Variants in KCTD8 observed in about 807,000 individuals in gnomAD.
The protein encoded by KCTD8 is BTB/POZ domain-containing protein KCTD8.
Under a neutral mutation model 31.5 loss-of-function variants are expected in KCTD8, and 27 were observed. The observed-to-expected ratio is 0.86, with a 90% confidence interval of 0.63 to 1.18. The LOEUF is 1.18. Among genes scored for constraint, KCTD8 ranks in the 50% most tolerant of loss-of-function variants. The probability of loss-of-function intolerance (pLI) is 0.00; values close to 1 mark genes in which losing one functional copy is unlikely to be tolerated. For missense variants in KCTD8, 658 were observed against 647.7 expected, an observed-to-expected ratio of 1.02 and a Z score of -0.17; for synonymous variants, 290 against 280.0, an observed-to-expected ratio of 1.04 and a Z score of -0.36.
chr4:44,384,101 TA>T (rs1382421137), intron 1 of KCTD8, among the ~76,000 whole-genome samples: 1 of 150,568 alleles, frequency 6.6e-6, no homozygotes, highest in African/African-American at 2.4e-5. Flanking sequence ...AAATCAAAAC[TA>T]CAATGAGATA....
chr4:44,334,741 C>T (rs546179085), intron 1 of KCTD8, among the ~76,000 whole-genome samples: 1 of 152,010 alleles, frequency 6.6e-6, no homozygotes, highest in African/African-American at 2.4e-5. Flanking sequence ...AGGAATAAAA[C>T]ACCAATATTA....
In KCTD8 at chr4:44,447,755, C is replaced by A. The variant is rs142886340; in HGVS notation, c.769G>T (p.Asp257Tyr). The A allele has an allele frequency of 6.2e-7, 1 of 1,611,778 alleles. No individual in the cohort carries two copies. Among genetic ancestry groups the A allele is most frequent in the South Asian group, 1.1e-5 (1 of 90,546 alleles). The change falls in exon 1 of 2, where the codon GAC (aspartate) becomes TAC (tyrosine). Residue 257 changes from aspartate to tyrosine, a missense_variant. Asp to Tyr is a radical substitution (Grantham distance 160). Coordinates refer to ENST00000360029, the MANE Select transcript of KCTD8 (RefSeq NM_198353.3). ...VFGDTLNESR[D>Y]PDRQPEKYTS... ...TACTTCTCCGGCTGCCGGTCGGGGT[C>A]GCGGCTCTCGTTGAGCGTGTCCCCG...
At chr4:44,206,413 C>G (rs975087118) in intron 1 of KCTD8, among the ~76,000 whole-genome samples, 10 of 152,192 alleles carry the variant, frequency 6.6e-5, no homozygotes, top group Non-Finnish European at 1.0e-4. Context: ...CACATGCCCA[C>G]AGCATGTGTA....
In KCTD8 at chr4:44,395,713, T is replaced by G. The variant is rs150378036; in HGVS notation, c.961+51850A>C. 3.9e-3 allele frequency among the ~76,000 whole-genome samples: 595 copies of G among 152,160 alleles called. 2 individuals carry two copies. The highest frequency in any genetic ancestry group is 6.1e-3 in the Non-Finnish European group (413 of 67,986). On this transcript the variant is annotated intron_variant, in intron 1 of 1. Coordinates refer to ENST00000360029, the MANE Select transcript of KCTD8 (RefSeq NM_198353.3). Reference sequence around the variant, plus strand: ...TACCTTTGCAAAAAATGTTCGTACTTTTACTATTTTCTGACTGGTCCTTGA... The same window carrying G: ...TACCTTTGCAAAAAATGTTCGTACTGTTACTATTTTCTGACTGGTCCTTGA...
At chr4:44,413,051 A>G (rs1720997568) in intron 1 of KCTD8, among the ~76,000 whole-genome samples, 2 of 152,122 alleles carry the variant, frequency 1.3e-5, no homozygotes, top group African/African-American at 4.8e-5. Flanking sequence ...CTGGAAATCA[A>G]CTCCAGGTAA....
At chr4:44,241,889 C>T (rs1406170371) in intron 1 of KCTD8, among the ~76,000 whole-genome samples, 1 of 152,210 alleles carries the variant, frequency 6.6e-6, no homozygotes, top group African/African-American at 2.4e-5. Context: ...CCTGCCTGCT[C>T]TTTATTGCTA....
At chr4:44,303,197 C>G (rs1006015112) in intron 1 of KCTD8, among the ~76,000 whole-genome samples, 1 of 152,138 alleles carries the variant, frequency 6.6e-6, no homozygotes, top group Non-Finnish European at 1.5e-5. Flanking sequence ...GATTGTGTCT[C>G]TGCCCAGCTT....
Position 44,174,765 on chromosome 4 carries a change from A to T in KCTD8, c.*25T>A. 1 of 1,540,126 alleles carries T rather than the reference A, an allele frequency of 6.5e-7. No homozygotes were observed. ...CTGTAGTAAACATTGAATGTCATCA[A>T]AATACTGCAGGAATGTGACAATTAC... is the stretch of plus-strand genomic sequence containing the variant. On this transcript the variant is annotated 3_prime_UTR_variant, in exon 2 of 2. Coordinates refer to ENST00000360029, the MANE Select transcript of KCTD8 (RefSeq NM_198353.3).
At chr4:44,175,419 G>A (rs1221148181) in intron 1 of KCTD8, among the ~76,000 whole-genome samples, 169 bp from the exon 2 acceptor site, 1 of 151,968 alleles carries the variant, frequency 6.6e-6, no homozygotes, top group East Asian at 1.9e-4. Flanking sequence ...CAAGACCTAG[G>A]GTCTTTAGTG....
At chr4:44,180,586 T>TGC (rs1713350661) in intron 1 of KCTD8, among the ~76,000 whole-genome samples, 1 of 125,782 alleles carries the variant, frequency 8.0e-6, no homozygotes, top group Non-Finnish European at 1.6e-5. Context: ...TATACATACA[T>TGC]GCACACACAC....
At chr4:44,195,710 G>T (rs953497543) in intron 1 of KCTD8, among the ~76,000 whole-genome samples, 1 of 152,084 alleles carries the variant, frequency 6.6e-6, no homozygotes, top group Non-Finnish European at 1.5e-5. Context: ...TATTTTATAT[G>T]CAATTTTTGG....
At chr4:44,342,100 G>A (rs566075930) in intron 1 of KCTD8, among the ~76,000 whole-genome samples, 1 of 152,142 alleles carries the variant, frequency 6.6e-6, no homozygotes, top group South Asian at 2.1e-4. Flanking sequence ...GGCTGGGCGT[G>A]TTGGCTCATG....
intron 1 of KCTD8, among the ~76,000 whole-genome samples, chr4:44,232,032 G>A (rs1715132544): frequency 6.6e-6 from 1 of 152,016 alleles, no homozygotes; most frequent in Non-Finnish European, 1.5e-5. Context: ...CATATATATG[G>A]CAGAAAGATT....
At chr4:44,188,223 C>T (rs897018447) in intron 1 of KCTD8, among the ~76,000 whole-genome samples, 3 of 152,132 alleles carry the variant, frequency 2.0e-5, no homozygotes, top group Non-Finnish European at 4.4e-5. Context: ...CTTCTTTTCA[C>T]TTTGAAATTT....
At chr4:44,420,395 A>T (rs1441728621) in intron 1 of KCTD8, among the ~76,000 whole-genome samples, 1 of 152,200 alleles carries the variant, frequency 6.6e-6, no homozygotes, top group East Asian at 1.9e-4. Flanking sequence ...GACAATCGAA[A>T]GAAAAAATCA....
At chr4:44,284,127 T>C (rs762834132) in intron 1 of KCTD8, among the ~76,000 whole-genome samples, 1 of 152,110 alleles carries the variant, frequency 6.6e-6, no homozygotes, top group African/African-American at 2.4e-5. Context: ...GAAAAAAAAC[T>C]ACTTTAAACT....
intron 1 of KCTD8, among the ~76,000 whole-genome samples, chr4:44,201,679 C>T (rs1714153448): frequency 3.3e-5 from 5 of 152,162 alleles, no homozygotes; most frequent in African/African-American, 1.2e-4. Flanking sequence ...TAATGTAAGA[C>T]CCCAGACTAT....
chr4:44,233,518 A>G (rs2109353477), intron 1 of KCTD8, among the ~76,000 whole-genome samples: 1 of 152,298 alleles, frequency 6.6e-6, no homozygotes, highest in South Asian at 2.1e-4. Flanking sequence ...TGACTTCATT[A>G]AGATTAAATT....
intron 1 of KCTD8, among the ~76,000 whole-genome samples, chr4:44,267,953 C>T (rs1055860138): frequency 2.0e-5 from 3 of 152,146 alleles, no homozygotes; most frequent in Non-Finnish European, 4.4e-5. Context: ...CAGCAGAATT[C>T]CACCAGAGGT....
Sources: gnomAD v4.1 joint callset for allele counts (sites outside exome capture counted in the v4.1 genomes callset) on GRCh38, gnomAD v4.1.1 for gene constraint, MANE v1.5 for transcripts, NCBI Gene and HGNC (gene_info 2026-07-23, HGNC 2026-07-21) for gene names.